Variants in TULP4 observed in about 807,000 individuals in gnomAD.
TULP4 encodes the protein TUB like protein 4.
In TULP4, 16 loss-of-function variants were observed where a neutral mutation model predicts 129.0. The ratio of observed to expected loss-of-function variants is 0.12; its 90% CI spans 0.08 to 0.19. The LOEUF is 0.19. Ranked by LOEUF, TULP4 falls within the 10% of genes least tolerant of loss-of-function variation. The pLI, the probability that TULP4 is intolerant of heterozygous loss-of-function variation, is 1.00. For missense variants in TULP4, 1,842 were observed against 2,059.1 expected (o/e 0.89, Z 2.04); for synonymous variants, 998 against 854.0 (o/e 1.17, Z -2.94).
Position 158,502,057 on chromosome 6 carries a change from G to A in TULP4, c.2394G>A (p.Leu798=), listed in dbSNP as rs1780459455. Residue 798 remains leucine, a synonymous_variant, in exon 13 of 14, where the codon CTG becomes CTA. Transcript: ENST00000367097. ...VGHGDRDHEH[L]QKSAKALRPT... is the part of the protein sequence containing the mutation. ...ATGGAGACCGAGACCACGAACACCTGCAGAAGTCAGCCAAGGCCCTGCGGC... is the reference window on the plus strand; with the variant it reads ...ATGGAGACCGAGACCACGAACACCTACAGAAGTCAGCCAAGGCCCTGCGGC... The A allele has an allele frequency of 6.2e-7, 1 of 1,613,380 alleles. No individual in the cohort carries two copies. Among genetic ancestry groups the A allele is most frequent in the East Asian group, 2.2e-5 (1 of 44,860 alleles).
Position 158,343,617 on chromosome 6 carries a change from T to C in TULP4, c.252+29349T>C, listed in dbSNP as rs565547875. Among the ~76,000 whole-genome samples the C allele has an allele frequency of 2.7e-4, 41 of 152,172 alleles. 1 individual carries two copies. Among genetic ancestry groups the C allele is most frequent in the South Asian group, 1.2e-3 (6 of 4,822 alleles). ...CACCTGCAGTCCAGAAAAGAGCCCTTGTCACAGCCCCACCATGCTGGCCCC... is the reference window on the plus strand; with the variant it reads ...CACCTGCAGTCCAGAAAAGAGCCCTCGTCACAGCCCCACCATGCTGGCCCC... On this transcript the variant is annotated intron_variant, in intron 1 of 13. Transcript: ENST00000367097.
intron 1 of TULP4, among the ~76,000 whole-genome samples, chr6:158,269,380 T>TAAA (rs10583634): frequency 3.1e-5 from 4 of 131,080 alleles, no homozygotes; most frequent in South Asian, 2.4e-4. Context: ...TCAGCATTTG[T>TAAA]AAAAAAAAAA....
intron 1 of TULP4, among the ~76,000 whole-genome samples, chr6:158,340,687 T>C (rs1780159966): frequency 2.6e-5 from 4 of 152,194 alleles, no homozygotes. Flanking sequence ...TCCTACCTCC[T>C]CGACAAAGCG....
intron 8 of TULP4, among the ~76,000 whole-genome samples, chr6:158,487,463 C>A (rs1780098866): frequency 6.6e-6 from 1 of 152,134 alleles, no homozygotes; most frequent in Non-Finnish European, 1.5e-5. Flanking sequence ...ACCCACAAAG[C>A]CTTCAACCCA....
chr6:158,249,943 A>G (rs1327047212), intron 1 of TULP4, among the ~76,000 whole-genome samples: 1 of 152,180 alleles, frequency 6.6e-6, no homozygotes, highest in African/African-American at 2.4e-5. Flanking sequence ...ATAGAGTAAT[A>G]TTAAGTATCA....
chr6:158,463,505 G>T (rs1464076770), intron 6 of TULP4, among the ~76,000 whole-genome samples: 1 of 151,942 alleles, frequency 6.6e-6, no homozygotes, highest in Admixed American at 6.6e-5. Context: ...GTAGGGTGGG[G>T]GTAGCGGGGA....
At chr6:158,455,574 T>C (rs112799524) in intron 5 of TULP4, among the ~76,000 whole-genome samples, 26,626 of 151,714 alleles carry the variant, frequency 0.18, 2,777 homozygotes, top group Middle Eastern at 0.25. Flanking sequence ...TTGTCTCTAC[T>C]GAAAGTACAA....
intron 6 of TULP4, among the ~76,000 whole-genome samples, chr6:158,470,175 G>T (rs1205764837): frequency 6.6e-6 from 1 of 152,218 alleles, no homozygotes; most frequent in Admixed American, 6.5e-5. Context: ...TGGGCACCTC[G>T]CTGGATCAGG....
intron 2 of TULP4, among the ~76,000 whole-genome samples, chr6:158,420,812 A>G (rs1457437056): frequency 6.6e-6 from 1 of 152,082 alleles, no homozygotes; most frequent in East Asian, 1.9e-4. Context: ...TATATTGTTA[A>G]ATAGCTCATG....
intron 1 of TULP4, among the ~76,000 whole-genome samples, chr6:158,250,644 G>T (rs1208270269): frequency 6.6e-6 from 1 of 152,102 alleles, no homozygotes; most frequent in Non-Finnish European, 1.5e-5. Flanking sequence ...CCCTTTCTTA[G>T]CTTTGTTTTC....
chr6:158,472,597 A>G (rs969748764), intron 6 of TULP4, among the ~76,000 whole-genome samples: 3 of 152,218 alleles, frequency 2.0e-5, no homozygotes, highest in Non-Finnish European at 4.4e-5. Flanking sequence ...CAAGGAGTCC[A>G]AAGGCAGGGA....
At chr6:158,325,704 C>G (rs1248231289) in intron 1 of TULP4, among the ~76,000 whole-genome samples, 2 of 152,074 alleles carry the variant, frequency 1.3e-5, no homozygotes, top group Admixed American at 1.3e-4. Context: ...GAATAAGGAA[C>G]CTTTCTAGCA....
At chr6:158,292,074 T>C (rs1562508023) in intron 1 of TULP4, among the ~76,000 whole-genome samples, 1 of 152,346 alleles carries the variant, frequency 6.6e-6, no homozygotes, top group East Asian at 1.9e-4. Flanking sequence ...GGGGGAATCC[T>C]TATTTCCTAA....
chr6:158,369,094 G>A (rs951835967), intron 1 of TULP4, among the ~76,000 whole-genome samples: 1 of 152,128 alleles, frequency 6.6e-6, no homozygotes, highest in African/African-American at 2.4e-5. Flanking sequence ...TCATGCAAAG[G>A]TCATGATTAT....
At position 158,498,672 on chromosome 6, in the gene TULP4, T is replaced by G; in HGVS notation, c.1874T>G (p.Ile625Ser). ...AFLPTNLGAV[I>S]YKTSLLHLQP... ...TGCCCTTCTTTTTCCCCACCAGTAA[T>G]CTATAAAACCAGCCTCCTGCATCTC... Residue 625 changes from isoleucine (I) to serine (S), a missense_variant, in exon 12 of 14, where the codon ATC becomes AGC. Ile to Ser is a moderately radical substitution (Grantham distance 142, BLOSUM62 -2). Transcript: ENST00000367097. The G allele has an allele frequency of 6.2e-7, 1 of 1,614,148 alleles. No homozygotes were observed. Among genetic ancestry groups the G allele is most frequent in the Non-Finnish European group, 8.5e-7 (1 of 1,180,020 alleles).
chr6:158,379,409 A>G (rs1777273900), intron 1 of TULP4, among the ~76,000 whole-genome samples: 1 of 152,222 alleles, frequency 6.6e-6, no homozygotes, highest in Non-Finnish European at 1.5e-5. Context: ...AGCAGTTATT[A>G]GGGGACTTAT....
In TULP4 at chr6:158,351,736, T is replaced by TG. The variant is rs10679496; in HGVS notation, c.252+37469dup. Among the ~76,000 whole-genome samples the TG allele has an allele frequency of 2.9e-5, 4 of 138,502 alleles. No individual in the cohort carries two copies. In the East Asian group the frequency reaches 7.1e-4, roughly 24 times the overall value. 90.9% of individuals were successfully genotyped at this position (138,502 alleles called of 152,430 possible). ...TTTTTTTTTTTTTTTTTTTTTTTTT[T>TG]GAGACAGAGTCTCACTCTGTTGCCC... is the stretch of plus-strand genomic sequence containing the variant. On this transcript the variant is annotated intron_variant, in intron 1 of 13. Coordinates refer to ENST00000367097, the MANE Select transcript of TULP4 (RefSeq NM_020245.5).
chr6:158,375,869 A>C (rs542841902), intron 1 of TULP4, among the ~76,000 whole-genome samples: 11 of 152,344 alleles, frequency 7.2e-5, no homozygotes, highest in Admixed American at 3.9e-4. Flanking sequence ...GTGTGACTGA[A>C]AGTAATTAAA....
chr6:158,324,114 CT>C lies in TULP4; in HGVS notation c.252+9847del, dbSNP rs1251286329. On this transcript the variant is annotated intron_variant, in intron 1 of 13. Transcript: ENST00000367097. ...AATTTAAACCGATAAAATGCACTTA[CT>C]AGAATTTGATGGATGTTCCGCTTTT... 2.0e-5 allele frequency among the ~76,000 whole-genome samples: 3 copies of C among 152,250 alleles called. No individual in the cohort carries two copies. The East Asian group carries it at 5.8e-4, about 29-fold the overall frequency.
Sources: gnomAD v4.1 joint callset for allele counts (sites outside exome capture counted in the v4.1 genomes callset) on GRCh38, gnomAD v4.1.1 for gene constraint, MANE v1.5 for transcripts, NCBI Gene and HGNC (gene_info 2026-07-23, HGNC 2026-07-21) for gene names.